The following AFG2A variants were observed in gnomAD, a reference collection of about 807,000 sequenced individuals.
The protein encoded by AFG2A is ATPase family gene 2 protein homolog A.
the AFG2A span, among the ~76,000 whole-genome samples, chr4:123,220,865 A>C: frequency 1.3e-3 from 197 of 152,238 alleles, no homozygotes; most frequent in African/African-American, 4.1e-3. Flanking sequence ...ATATTGTGTA[A>C]GATTGGCACA....
the AFG2A span, among the ~76,000 whole-genome samples, chr4:122,952,062 C>T: frequency 1.1e-4 from 17 of 152,292 alleles, no homozygotes; most frequent in Admixed American, 1.1e-3. Flanking sequence ...ACCCTTTAGC[C>T]AACCTGCTTT....
At chr4:122,978,724 A>G in the AFG2A span, among the ~76,000 whole-genome samples, 10 of 152,184 alleles carry the variant, frequency 6.6e-5, no homozygotes, top group African/African-American at 1.2e-4. Context: ...CCTCCCTCAC[A>G]TACTCATTGG....
At chr4:123,106,004 A>C in the AFG2A span, among the ~76,000 whole-genome samples, 1 of 152,314 alleles carries the variant, frequency 6.6e-6, no homozygotes, top group East Asian at 1.9e-4. Flanking sequence ...ATAGCATTAC[A>C]TGCTACAAAG....
the AFG2A span, among the ~76,000 whole-genome samples, chr4:123,045,921 C>A: frequency 6.6e-6 from 1 of 151,828 alleles, no homozygotes; most frequent in African/African-American, 2.4e-5. Flanking sequence ...CATAGTGGAA[C>A]CCCGTCTCTA....
the AFG2A span, among the ~76,000 whole-genome samples, chr4:123,015,370 G>A: frequency 6.6e-6 from 1 of 151,812 alleles, no homozygotes; most frequent in East Asian, 1.9e-4. Flanking sequence ...CTTGAGATTA[G>A]GGAGTGGTGA....
chr4:123,250,112 G>C, the AFG2A span, among the ~76,000 whole-genome samples: 1 of 152,024 alleles, frequency 6.6e-6, no homozygotes, highest in African/African-American at 2.4e-5. Context: ...GATTTTTCAA[G>C]GTGTCTATTT....
the AFG2A span, among the ~76,000 whole-genome samples, chr4:123,199,462 GTTTT>G: frequency 8.4e-5 from 4 of 47,444 alleles, no homozygotes; most frequent in African/African-American, 2.5e-4. Context: ...ATACTCAGAG[GTTTT>G]TTTTTTTTTT....
chr4:123,238,565 A>C, the AFG2A span, among the ~76,000 whole-genome samples: 1 of 152,322 alleles, frequency 6.6e-6, no homozygotes, highest in African/African-American at 2.4e-5. Flanking sequence ...ACCTCCAGCA[A>C]ACTCCAACAG....
the AFG2A span, among the ~76,000 whole-genome samples, chr4:123,131,311 A>T: frequency 0.014 from 2,111 of 152,176 alleles, 54 homozygotes; most frequent in African/African-American, 0.049. Context: ...TTTTAAAATT[A>T]TTTTTTTATT....
the AFG2A span, among the ~76,000 whole-genome samples, chr4:122,946,685 T>A: frequency 6.6e-6 from 1 of 152,170 alleles, no homozygotes; most frequent in Non-Finnish European, 1.5e-5. Context: ...TATTCAAATG[T>A]GGCTGATACT....
At chr4:123,216,694 C>G in the AFG2A span, among the ~76,000 whole-genome samples, 3 of 149,856 alleles carry the variant, frequency 2.0e-5, no homozygotes, top group African/African-American at 7.5e-5. Context: ...GAAACAAAGC[C>G]TCACTCTGTC....
At chr4:123,075,882 A>C in the AFG2A span, among the ~76,000 whole-genome samples, 3 of 151,538 alleles carry the variant, frequency 2.0e-5, no homozygotes, top group Non-Finnish European at 2.9e-5. Context: ...ACTTGAACCC[A>C]GGAGGCAGAG....
chr4:122,986,745 A>T, the AFG2A span, among the ~76,000 whole-genome samples: 2 of 152,190 alleles, frequency 1.3e-5, no homozygotes, highest in Non-Finnish European at 2.9e-5. Flanking sequence ...AACTTGTGGA[A>T]AAATTAAAAA....
chr4:122,996,570 CAGATAGATAGATAGAT>C, the AFG2A span, among the ~76,000 whole-genome samples: 33 of 139,642 alleles, frequency 2.4e-4, no homozygotes, highest in African/African-American at 3.3e-4. Flanking sequence ...GGTAGGTAGG[CAGATAGATAGATAGAT>C]AGATAGATAG....
At chr4:123,238,710 A>C in the AFG2A span, among the ~76,000 whole-genome samples, 65 of 152,352 alleles carry the variant, frequency 4.3e-4, no homozygotes, top group Non-Finnish European at 8.4e-4. Flanking sequence ...AAGGTAGATA[A>C]AACCACAAAG....
At chr4:123,231,398 C>T in the AFG2A span, among the ~76,000 whole-genome samples, 2 of 152,042 alleles carry the variant, frequency 1.3e-5, no homozygotes, top group Admixed American at 1.3e-4. Context: ...CTTTCTTCTG[C>T]AGCTTCTTCA....
the AFG2A span, among the ~76,000 whole-genome samples, chr4:123,224,857 T>A: frequency 2.0e-5 from 3 of 152,052 alleles, no homozygotes; most frequent in Admixed American, 6.5e-5. Context: ...TTTCTCCACA[T>A]CCTCTCCAGC....
chr4:123,308,014 G>A, the AFG2A span, among the ~76,000 whole-genome samples: 104,624 of 151,652 alleles, frequency 0.69, 38,204 homozygotes, highest in Non-Finnish European at 0.81. Flanking sequence ...TGAGCAACAC[G>A]TGACTATATG....
chr4:123,235,504 T>C, the AFG2A span, among the ~76,000 whole-genome samples: 1 of 152,148 alleles, frequency 6.6e-6, no homozygotes, highest in Admixed American at 6.5e-5. Context: ...TGAACATGTA[T>C]TGAAGAAGCA....
Sources: gnomAD v4.1 joint callset for allele counts (sites outside exome capture counted in the v4.1 genomes callset) on GRCh38, gnomAD v4.1.1 for gene constraint, MANE v1.5 for transcripts, NCBI Gene and HGNC (gene_info 2026-07-23, HGNC 2026-07-21) for gene names.